ZZZ3: variants seen among roughly 807,000 people sequenced by gnomAD.
ZZZ3 encodes the protein ZZ-type zinc finger-containing protein 3.
ZZZ3 carries 22 observed loss-of-function variants against 95.2 expected under a neutral mutation model. The ratio of observed to expected loss-of-function variants is 0.23; its 90% confidence interval spans 0.17 to 0.33. The LOEUF (loss-of-function observed/expected upper bound fraction) is 0.33. Among genes scored for constraint, ZZZ3 ranks in the 10% least tolerant of loss-of-function variants. ZZZ3 has a pLI of 1.00. For missense variants in ZZZ3, 885 were observed against 1,066.5 expected (o/e 0.83, Z 2.37); for synonymous variants, 335 against 358.9 (o/e 0.93, Z 0.75).
At chr1:77,642,633 T>C (rs1668884289) in intron 1 of ZZZ3, among the ~76,000 whole-genome samples, 1 of 151,766 alleles carries the variant, frequency 6.6e-6, no homozygotes, top group African/African-American at 2.4e-5. Flanking sequence ...TGTGTGTGTC[T>C]GTAGTCCCAA....
At chr1:77,628,325 G>C (rs908955666) in intron 5 of ZZZ3, among the ~76,000 whole-genome samples, 1 of 152,140 alleles carries the variant, frequency 6.6e-6, no homozygotes, top group African/African-American at 2.4e-5. Flanking sequence ...CTTTCAGAAG[G>C]CATGTCTAAT....
chr1:77,631,947 T>C lies in ZZZ3; in HGVS notation c.1408A>G (p.Lys470Glu). The C allele has an allele frequency of 1.2e-6, 2 of 1,614,132 alleles. No homozygotes were observed. Among genetic ancestry groups the C allele is most frequent in the South Asian group, 1.1e-5 (1 of 91,082 alleles). Residue 470 changes from lysine to glutamate, a missense_variant, in exon 5 of 15, where the codon AAA becomes GAA. This residue lies in a region of ZZZ3 where 556 missense variants were observed against 652.9 expected (regional missense o/e 0.85). Coordinates refer to ENST00000370801, the MANE Select transcript of ZZZ3 (RefSeq NM_015534.6). Reference protein sequence around the residue: ...RLNIGHLPSAKESASQHITEE... With the variant: ...RLNIGHLPSAEESASQHITEE... ...GTAATGTGCTGACTGGCACTCTCTT[T>C]GGCAGATGGCAAATGTCCAATATTG...
chr1:77,660,720 T>G (rs1319074921), intron 1 of ZZZ3, among the ~76,000 whole-genome samples: 1 of 152,212 alleles, frequency 6.6e-6, no homozygotes, highest in Admixed American at 6.5e-5. Flanking sequence ...CTTTCAGGAA[T>G]AACCCAGATA....
intron 5 of ZZZ3, among the ~76,000 whole-genome samples, chr1:77,630,354 T>C (rs372577546): frequency 2.1e-4 from 32 of 152,118 alleles, no homozygotes; most frequent in East Asian, 7.7e-4. Context: ...CATGTGCCTG[T>C]AGTCCCAGCT....
At chr1:77,673,102 C>T (rs1671934320) in intron 1 of ZZZ3, among the ~76,000 whole-genome samples, 1 of 152,102 alleles carries the variant, frequency 6.6e-6, no homozygotes, top group South Asian at 2.1e-4. Context: ...TATTCTGGCC[C>T]TAACACTTAC....
At chr1:77,623,249 G>T (rs1454201736) in intron 5 of ZZZ3, among the ~76,000 whole-genome samples, 5 of 152,072 alleles carry the variant, frequency 3.3e-5, no homozygotes, top group Non-Finnish European at 5.9e-5. Context: ...AACAGTTTGG[G>T]GAAGCTGAAG....
At chr1:77,642,587 CAAA>C (rs59885886) in intron 1 of ZZZ3, among the ~76,000 whole-genome samples, 1 of 142,648 alleles carries the variant, frequency 7.0e-6, no homozygotes. Flanking sequence ...CTAAACAAAA[CAAA>C]AAAAAAAAAA....
At position 77,633,078 on chromosome 1, in the gene ZZZ3, T is replaced by C; in HGVS notation, c.277A>G (p.Lys93Glu). 6.2e-7 allele frequency: 1 copy of C among 1,613,974 alleles called. No homozygotes were observed. Among genetic ancestry groups the C allele is most frequent in the Non-Finnish European group, 8.5e-7 (1 of 1,180,014 alleles). The change falls in exon 5 of 15, where the codon AAG (lysine) becomes GAG (glutamate). Residue 93 changes from lysine to glutamate, a missense_variant. This residue lies in a region of ZZZ3 where 556 missense variants were observed against 652.9 expected (regional missense o/e 0.85). Transcript: ENST00000370801. ...PRKRGLSSSE[K>E]DNIERQAIEN... ...ATAGCCTGCCTTTCTATGTTATCCT[T>C]TTCTGAAGAAGAAAGTCCTCTTTTC...
chr1:77,632,516 T>C lies in ZZZ3; in HGVS notation c.839A>G (p.His280Arg). The C allele has an allele frequency of 6.2e-7, 1 of 1,614,198 alleles. No individual in the cohort carries two copies. Among genetic ancestry groups the C allele is most frequent in the African/African-American group, 1.3e-5 (1 of 75,052 alleles). Residue 280 changes from histidine to arginine, a missense_variant, in exon 5 of 15, where the codon CAC (histidine) becomes CGC (arginine). Physicochemically the swap from His to Arg is conservative, Grantham distance 29 (BLOSUM62 0). Coordinates refer to ENST00000370801, the MANE Select transcript of ZZZ3 (RefSeq NM_015534.6). Reference sequence around the variant, plus strand: ...AGGCAAGCAGGCAGTTACTATTTTGTGGTCCTCCAACTTGACCTGCACTTG... The same window carrying C: ...AGGCAAGCAGGCAGTTACTATTTTGCGGTCCTCCAACTTGACCTGCACTTG... ...DSQVQVKLED[H>R]KIVTACLPVE...
intron 5 of ZZZ3, among the ~76,000 whole-genome samples, chr1:77,604,924 A>T (rs1665083010): frequency 6.6e-6 from 1 of 152,130 alleles, no homozygotes; most frequent in South Asian, 2.1e-4. Flanking sequence ...GTAGGAGAAA[A>T]TGTTTCACTT....
rs202065578 is a variant in ZZZ3, at chr1:77,632,542, T to A, written c.813A>T (p.Ser271=). Residue 271 remains serine, a synonymous_variant, in exon 5 of 15, where the codon TCA becomes TCT. Transcript: ENST00000370801. ...GGTCCTCCAACTTGACCTGCACTTG[T>A]GAATCTGTGCAAGGCACCTTATGGT... is the stretch of plus-strand genomic sequence containing the variant. ...YIDHKVPCTD[S]QVQVKLEDHK... The A allele has an allele frequency of 1.7e-5, 28 of 1,614,172 alleles. No homozygotes were observed. The African/African-American group carries it at 2.8e-4, about 16-fold the overall frequency.
intron 1 of ZZZ3, among the ~76,000 whole-genome samples, chr1:77,664,687 G>T (rs1671105331): frequency 6.6e-6 from 1 of 152,042 alleles, no homozygotes; most frequent in African/African-American, 2.4e-5. Context: ...AAATTGTTCT[G>T]ACATTTTATA....
chr1:77,668,385 G>A (rs547791561), intron 1 of ZZZ3, among the ~76,000 whole-genome samples: 9 of 152,196 alleles, frequency 5.9e-5, no homozygotes, highest in Admixed American at 5.9e-4. Flanking sequence ...AAAAGCATGG[G>A]CTTTGGAGTC....
chr1:77,645,986 A>T (rs1342393261), intron 1 of ZZZ3, among the ~76,000 whole-genome samples: 2 of 152,134 alleles, frequency 1.3e-5, no homozygotes, highest in Middle Eastern at 3.4e-3. Context: ...AAAAAAAAAA[A>T]AAATTCAGAT....
intron 1 of ZZZ3, among the ~76,000 whole-genome samples, chr1:77,647,339 C>T (rs561138119): frequency 2.6e-4 from 40 of 152,012 alleles, no homozygotes; most frequent in Non-Finnish European, 5.1e-4. Context: ...GCCAACATGG[C>T]GAAAACCCAT....
chr1:77,668,297 A>G (rs1335042561), intron 1 of ZZZ3, among the ~76,000 whole-genome samples: 2 of 152,120 alleles, frequency 1.3e-5, no homozygotes, highest in African/African-American at 4.8e-5. Context: ...ATTGCTACCT[A>G]AGGTAAACTC....
At chr1:77,624,440 T>A (rs1667156052) in intron 5 of ZZZ3, among the ~76,000 whole-genome samples, 1 of 151,672 alleles carries the variant, frequency 6.6e-6, no homozygotes, top group African/African-American at 2.4e-5. Flanking sequence ...GGAGATTGAG[T>A]TAATAATCAT....
intron 5 of ZZZ3, among the ~76,000 whole-genome samples, chr1:77,605,012 C>A (rs1057251464): frequency 6.6e-6 from 1 of 152,058 alleles, no homozygotes; most frequent in Non-Finnish European, 1.5e-5. Flanking sequence ...GATGGTCCCC[C>A]CAAAAAGGAA....
intron 11 of ZZZ3, among the ~76,000 whole-genome samples, chr1:77,578,452 T>C (rs1167050215): frequency 6.6e-6 from 1 of 152,202 alleles, no homozygotes; most frequent in Non-Finnish European, 1.5e-5. Context: ...CTATTAAATT[T>C]ATTAAATGAT....
Sources: allele counts gnomAD v4.1 joint callset (sites outside exome capture counted in the v4.1 genomes callset), GRCh38; gene constraint gnomAD v4.1.1; regional missense constraint gnomAD v4.1.1; transcripts MANE v1.5; gene names NCBI Gene and HGNC (gene_info 2026-07-23, HGNC 2026-07-21).